The following MBD5 variants were observed in gnomAD, a reference collection of about 807,000 sequenced individuals.
The protein encoded by MBD5 is methyl-CpG-binding domain protein 5.
MBD5 carries 13 observed loss-of-function variants against 117.3 expected under a neutral mutation model. The observed-to-expected ratio is 0.11, with a 90% CI of 0.07 to 0.18. The LOEUF is 0.18. MBD5 is among the 10% of genes least tolerant of loss of function. The pLI, the probability that MBD5 is intolerant of heterozygous loss-of-function variation, is 1.00. For synonymous variants in MBD5, 727 were observed against 766.4 expected, an observed-to-expected ratio of 0.95 and a Z score of 0.85; for missense variants, 1,879 against 2,093.8, an observed-to-expected ratio of 0.90 and a Z score of 2.00.
intron 11 of MBD5, among the ~76,000 whole-genome samples, chr2:148,501,181 GA>G (rs1183331233): frequency 6.6e-6 from 1 of 152,176 alleles, no homozygotes; most frequent in Non-Finnish European, 1.5e-5. Flanking sequence ...ACTTAATAAT[GA>G]AAACTTCTTG....
intron 2 of MBD5, among the ~76,000 whole-genome samples, chr2:148,209,164 T>C (rs1699358682): frequency 1.3e-5 from 2 of 152,218 alleles, no homozygotes; most frequent in African/African-American, 2.4e-5. Flanking sequence ...TTGCTACATA[T>C]GATCATTTTA....
chr2:148,446,305 TTGTA>T (rs1254234559), intron 4 of MBD5, among the ~76,000 whole-genome samples: 1 of 152,178 alleles, frequency 6.6e-6, no homozygotes, highest in Admixed American at 6.6e-5. Flanking sequence ...GAATTAATTT[TTGTA>T]TGAGGTGTAA....
At chr2:148,054,279 A>T (rs367986809) in intron 1 of MBD5, 5 of 152,356 alleles carry the variant, frequency 3.3e-5, no homozygotes, top group African/African-American at 1.2e-4. Context: ...CTGAGGCTAC[A>T]CTACTACAAC....
At chr2:148,059,867 G>T (rs943764160) in intron 1 of MBD5, among the ~76,000 whole-genome samples, 11 of 151,380 alleles carry the variant, frequency 7.3e-5, no homozygotes, top group Admixed American at 2.0e-4. Context: ...AAAGACAAAG[G>T]AAATTCTTCT....
At chr2:148,246,098 C>T (rs1429676429) in intron 3 of MBD5, among the ~76,000 whole-genome samples, 1 of 152,036 alleles carries the variant, frequency 6.6e-6, no homozygotes, top group Non-Finnish European at 1.5e-5. Flanking sequence ...TTTTTAAGTG[C>T]CCTATGCTAC....
chr2:148,412,240 G>A (rs1705275062), intron 4 of MBD5, among the ~76,000 whole-genome samples: 1 of 150,690 alleles, frequency 6.6e-6, no homozygotes. Flanking sequence ...GTACCATACT[G>A]TTTTGGTTAC....
intron 4 of MBD5, among the ~76,000 whole-genome samples, chr2:148,374,326 A>G (rs1703937596): frequency 6.6e-6 from 1 of 152,036 alleles, no homozygotes; most frequent in Non-Finnish European, 1.5e-5. Flanking sequence ...AGATGGTGGA[A>G]CAATTCTGAA....
At chr2:148,236,717 C>T (rs373394835) in intron 3 of MBD5, among the ~76,000 whole-genome samples, 17 of 152,144 alleles carry the variant, frequency 1.1e-4, no homozygotes, top group African/African-American at 4.1e-4. Context: ...TTGGCTTGAA[C>T]CTAAAGTCAC....
intron 1 of MBD5, among the ~76,000 whole-genome samples, chr2:148,167,958 A>C (rs1698168910): frequency 6.6e-6 from 1 of 152,234 alleles, no homozygotes; most frequent in African/African-American, 2.4e-5. Flanking sequence ...GGTAAAACTA[A>C]TGCCTATATT....
rs1441969969 is a variant in MBD5 at position 148,332,458 on chromosome 2, C to G, written c.-679-9756C>G. Among the ~76,000 whole-genome samples, 7 of 152,244 alleles carry G rather than the reference C, an allele frequency of 4.6e-5. No homozygotes were observed. In the East Asian group the frequency reaches 1.4e-3, roughly 29 times the overall value. Reference sequence around the variant, plus strand: ...ATCAACTTGAGGCTTCTTTCTGCCCCTGTTTTGAGTTGGATCTCCCAGTTT... The same window carrying G: ...ATCAACTTGAGGCTTCTTTCTGCCCGTGTTTTGAGTTGGATCTCCCAGTTT... On this transcript the variant is annotated intron_variant, in intron 3 of 13. Coordinates refer to ENST00000642680, the MANE Select transcript of MBD5 (RefSeq NM_001378120.1).
intron 4 of MBD5, among the ~76,000 whole-genome samples, chr2:148,395,137 T>C (rs1704673823): frequency 6.6e-6 from 1 of 152,190 alleles, no homozygotes. Flanking sequence ...CTGTCTCCCC[T>C]TAAGGGATAT....
intron 1 of MBD5, among the ~76,000 whole-genome samples, chr2:148,042,141 C>A (rs12992231): frequency 0.37 from 55,536 of 151,970 alleles, 10,370 homozygotes; most frequent in East Asian, 0.52. Context: ...TTGCAGATAC[C>A]TCATTAGCAT....
At position 148,021,420 on chromosome 2, in the gene MBD5, A is replaced by G. The variant is rs1307353000; in HGVS notation, c.-1189A>G. 4 of 538,152 alleles carry G rather than the reference A, an allele frequency of 7.4e-6. No homozygotes were observed. The highest frequency in any genetic ancestry group is 3.6e-6 in the Non-Finnish European group (1 of 277,290). 33.3% of individuals were successfully genotyped at this position (538,152 alleles called of 1,614,324 possible). On this transcript the variant is annotated 5_prime_UTR_variant, in exon 1 of 14. Transcript: ENST00000642680. ...TTGGCCGTGAGAGGAGGAGAGAAAG[A>G]AACCAAAAGCCTCTTAGCAACACAG...
intron 1 of MBD5, among the ~76,000 whole-genome samples, chr2:148,119,386 T>C (rs1227264360): frequency 6.6e-6 from 1 of 152,196 alleles, no homozygotes; most frequent in East Asian, 1.9e-4. Flanking sequence ...GTTTTAAGTG[T>C]TATTTATGTA....
chr2:148,363,640 G>T (rs1703607101), intron 4 of MBD5, among the ~76,000 whole-genome samples: 1 of 152,154 alleles, frequency 6.6e-6, no homozygotes, highest in South Asian at 2.1e-4. Flanking sequence ...ACAGGGTCTG[G>T]AGTGGACCTC....
intron 1 of MBD5, among the ~76,000 whole-genome samples, chr2:148,029,948 G>A (rs182217686): frequency 3.3e-5 from 5 of 152,140 alleles, no homozygotes; most frequent in East Asian, 1.9e-4. Flanking sequence ...AAAATACTAC[G>A]ATGGAAATAT....
At chr2:148,214,614 G>C (rs1699507263) in intron 2 of MBD5, among the ~76,000 whole-genome samples, 1 of 152,160 alleles carries the variant, frequency 6.6e-6, no homozygotes, top group African/African-American at 2.4e-5. Context: ...ATAACCAAAA[G>C]TGTTCAATTT....
intron 1 of MBD5, among the ~76,000 whole-genome samples, chr2:148,146,381 C>T (rs148298556): frequency 0.011 from 1,745 of 152,100 alleles, 38 homozygotes; most frequent in African/African-American, 0.04. Flanking sequence ...TATAGGTGTG[C>T]ACCACACACC....
In MBD5 at chr2:148,457,199, GT is replaced by G. The variant is rs1438919620; in HGVS notation, c.-556-1001del. ...TATCATCTTCACTTCCATTTAAATT[GT>G]TTGAAATATAGTATTTTTTGAATCT... On this transcript the variant is annotated intron_variant, in intron 4 of 13. Coordinates refer to ENST00000642680, the MANE Select transcript of MBD5 (RefSeq NM_001378120.1). Among the ~76,000 whole-genome samples, 5 of 152,146 alleles carry G rather than the reference GT, an allele frequency of 3.3e-5. No individual in the cohort carries two copies. The East Asian group carries it at 9.6e-4, about 29-fold the overall frequency.
Sources: gnomAD v4.1 joint callset for allele counts (sites outside exome capture counted in the v4.1 genomes callset) on GRCh38, gnomAD v4.1.1 for gene constraint, MANE v1.5 for transcripts, NCBI Gene and HGNC (gene_info 2026-07-23, HGNC 2026-07-21) for gene names.